Variants in MAML2 observed in about 807,000 individuals in gnomAD.
The protein encoded by MAML2 is mastermind-like protein 2.
Under a neutral mutation model 96.1 loss-of-function variants are expected in MAML2, and 22 were observed. That is an observed-to-expected ratio of 0.23 (90% CI 0.16 to 0.33). MAML2 has a LOEUF of 0.33. Ranked by LOEUF, MAML2 falls within the 10% of genes least tolerant of loss-of-function variation. The pLI, the probability that MAML2 is intolerant of heterozygous loss-of-function variation, is 1.00. For synonymous variants in MAML2, 561 were observed against 521.3 expected, an observed-to-expected ratio of 1.08 and a Z score of -1.04; for missense variants, 1,367 against 1,392.4, an observed-to-expected ratio of 0.98 and a Z score of 0.29.
chr11:96,130,355 C>G (rs1444943194), intron 1 of MAML2, among the ~76,000 whole-genome samples: 1 of 152,200 alleles, frequency 6.6e-6, no homozygotes, highest in African/African-American at 2.4e-5. Context: ...ATATGTGATA[C>G]TTCTTTCTGC....
intron 1 of MAML2, among the ~76,000 whole-genome samples, chr11:96,259,561 G>A (rs779766381): frequency 2.6e-5 from 4 of 152,194 alleles, no homozygotes; most frequent in Admixed American, 6.5e-5. Context: ...TCTCCTGTGG[G>A]TATGCTGGAG....
intron 2 of MAML2, among the ~76,000 whole-genome samples, chr11:96,026,639 A>G (rs542504239): frequency 6.6e-6 from 1 of 152,216 alleles, no homozygotes; most frequent in East Asian, 1.9e-4. Flanking sequence ...GATCAAAAGT[A>G]TTCCTTTTGG....
chr11:96,004,002 G>A (rs1858138248), intron 2 of MAML2, among the ~76,000 whole-genome samples: 1 of 152,140 alleles, frequency 6.6e-6, no homozygotes, highest in South Asian at 2.1e-4. Context: ...TTGTGTTTAA[G>A]AGTAATTTTA....
chr11:96,323,056 A>G (rs572876227), intron 1 of MAML2, among the ~76,000 whole-genome samples: 1 of 152,184 alleles, frequency 6.6e-6, no homozygotes, highest in East Asian at 1.9e-4. Flanking sequence ...GGAACTCACA[A>G]ACTCAAGAAG....
chr11:96,171,670 G>A lies in MAML2; in HGVS notation c.514-78153C>T, dbSNP rs11021457. Among the ~76,000 whole-genome samples the A allele has an allele frequency of 6.8e-3, 1,041 of 152,304 alleles. 13 individuals carry two copies. The highest frequency in any genetic ancestry group is 0.024 in the African/African-American group (980 of 41,564). On this transcript the variant is annotated intron_variant, in intron 1 of 4. Transcript: ENST00000524717. Reference sequence around the variant, plus strand: ...ACTCCAGTGAGAGAATAAACAACACGCCAAAGTTCAGTAATGAAGAGCCAA... The same window carrying A: ...ACTCCAGTGAGAGAATAAACAACACACCAAAGTTCAGTAATGAAGAGCCAA...
At chr11:96,251,132 C>T (rs1225230838) in intron 1 of MAML2, among the ~76,000 whole-genome samples, 8 of 152,254 alleles carry the variant, frequency 5.3e-5, no homozygotes, top group African/African-American at 1.9e-4. Context: ...ATCCCTCATT[C>T]TCTTCTGCCA....
intron 1 of MAML2, among the ~76,000 whole-genome samples, chr11:96,110,557 C>T (rs142406864): frequency 0.01 from 1,535 of 152,274 alleles, 17 homozygotes; most frequent in Middle Eastern, 0.017. Context: ...ATAGGAACTT[C>T]CGTATGCATC....
chr11:96,209,474 C>G (rs1470244450), intron 1 of MAML2, among the ~76,000 whole-genome samples: 1 of 152,044 alleles, frequency 6.6e-6, no homozygotes. Flanking sequence ...CCTGTCTCTA[C>G]TGAGGCAGAA....
intron 2 of MAML2, among the ~76,000 whole-genome samples, chr11:96,019,580 T>C (rs1200208357): frequency 4.0e-5 from 6 of 151,716 alleles, no homozygotes; most frequent in African/African-American, 1.5e-4. Context: ...TCCTGGCATA[T>C]CAGATTTTAT....
At position 96,342,057 on chromosome 11, in the gene MAML2, G is replaced by C. The variant is rs930064227; in HGVS notation, c.-162C>G. 4.6e-6 allele frequency: 3 copies of C among 645,174 alleles called. No homozygotes were observed. Among genetic ancestry groups the C allele is most frequent in the African/African-American group, 3.6e-5 (2 of 54,904 alleles). The allele number at this position is 645,174 out of a possible 1,614,324, so 40.0% of individuals were successfully genotyped here. On this transcript the variant is annotated 5_prime_UTR_variant, in exon 1 of 5. Coordinates refer to ENST00000524717, the MANE Select transcript of MAML2 (RefSeq NM_032427.4). ...TGGGGGAGCCGTGGAGAAGTTGTGG[G>C]GGAGGGGAGTTAGTAAAAAGAGGGT... is the stretch of plus-strand genomic sequence containing the variant.
chr11:96,147,221 T>C (rs754090691), intron 1 of MAML2, among the ~76,000 whole-genome samples: 109 of 152,324 alleles, frequency 7.2e-4, no homozygotes, highest in Non-Finnish European at 1.1e-3. Context: ...TTCTATAAGA[T>C]GAGTGATGTG....
intron 1 of MAML2, among the ~76,000 whole-genome samples, chr11:96,254,700 GA>G (rs1441945379): frequency 5.6e-4 from 85 of 152,226 alleles, no homozygotes; most frequent in African/African-American, 2.0e-3. Flanking sequence ...GCCAAAAGAA[GA>G]ATTAAAAGTC....
At chr11:96,050,092 A>T (rs976452571) in intron 2 of MAML2, among the ~76,000 whole-genome samples, 6 of 152,114 alleles carry the variant, frequency 3.9e-5, no homozygotes, top group Admixed American at 6.6e-5. Context: ...TACCCTCAAA[A>T]CAACCCAGTA....
intron 1 of MAML2, among the ~76,000 whole-genome samples, chr11:96,109,103 C>T (rs886667111): frequency 6.6e-6 from 1 of 152,104 alleles, no homozygotes; most frequent in African/African-American, 2.4e-5. Flanking sequence ...AAAATCCATG[C>T]TCTCTACAAA....
intron 1 of MAML2, among the ~76,000 whole-genome samples, chr11:96,177,271 T>C (rs916688675): frequency 6.6e-6 from 1 of 152,188 alleles, no homozygotes; most frequent in African/African-American, 2.4e-5. Context: ...TATCATGTTA[T>C]TAAATGGGAA....
At chr11:96,149,556 TC>T (rs957176969) in intron 1 of MAML2, among the ~76,000 whole-genome samples, 3 of 151,402 alleles carry the variant, frequency 2.0e-5, no homozygotes, top group Admixed American at 6.6e-5. Context: ...ACATGGTGAA[TC>T]CCCATCTCTA....
At chr11:96,298,741 T>A (rs1863336886) in intron 1 of MAML2, among the ~76,000 whole-genome samples, 1 of 147,342 alleles carries the variant, frequency 6.8e-6, no homozygotes, top group Non-Finnish European at 1.5e-5. Context: ...TAATATTATA[T>A]ATATATATAT....
intron 1 of MAML2, among the ~76,000 whole-genome samples, chr11:96,103,574 G>T (rs1859970627): frequency 6.6e-6 from 1 of 152,138 alleles, no homozygotes; most frequent in South Asian, 2.1e-4. Flanking sequence ...GAAATAATAT[G>T]AAACACAGCC....
At chr11:96,248,451 G>A (rs961860541) in intron 1 of MAML2, among the ~76,000 whole-genome samples, 2 of 152,064 alleles carry the variant, frequency 1.3e-5, no homozygotes, top group African/African-American at 2.4e-5. Flanking sequence ...AATTTACATT[G>A]TCTTTGTGGC....
Sources: allele counts gnomAD v4.1 joint callset (sites outside exome capture counted in the v4.1 genomes callset), GRCh38; gene constraint gnomAD v4.1.1; transcripts MANE v1.5; gene names NCBI Gene and HGNC (gene_info 2026-07-23, HGNC 2026-07-21).